PDE11A: variants seen among roughly 807,000 people sequenced by gnomAD.
PDE11A encodes dual 3',5'-cyclic-AMP and -GMP phosphodiesterase 11A.
In PDE11A, 100 loss-of-function variants were observed where a neutral mutation model predicts 100.5. The observed-to-expected ratio is 1.00, with a 90% CI of 0.85 to 1.18. The LOEUF (loss-of-function observed/expected upper bound fraction) is 1.18, where lower values mean the gene tolerates loss of function less well. PDE11A is among the 50% of genes most tolerant of loss of function. PDE11A has a pLI of 0.00. For synonymous variants in PDE11A, 381 were observed against 420.8 expected (o/e 0.91, Z 1.16); for missense variants, 1,141 against 1,152.6 (o/e 0.99, Z 0.15).
chr2:177,728,107 G>A lies in PDE11A; in HGVS notation c.1854C>T (p.Leu618=), dbSNP rs139784666. 7.0e-4 allele frequency: 1,121 copies of A among 1,612,146 alleles called. 10 individuals carry two copies. The African/African-American group carries it at 0.013, about 19-fold the overall frequency. The change falls in exon 11 of 20, where the codon CTC becomes CTT. Residue 618 remains leucine, a synonymous_variant. Coordinates refer to ENST00000286063, the MANE Select transcript of PDE11A (RefSeq NM_016953.4). ...CAGCTGTGATCATGGCATCAACGTC[G>A]AGAGAAAAGTCATCAAAATGAATGT... ...IDDIHFDDFS[L]DVDAMITAAL...
intron 10 of PDE11A, among the ~76,000 whole-genome samples, chr2:177,758,751 C>A (rs930846104): frequency 6.6e-6 from 1 of 152,188 alleles, no homozygotes; most frequent in African/African-American, 2.4e-5. Context: ...CTTGGCCACC[C>A]GCCGGCTGCC....
intron 13 of PDE11A, among the ~76,000 whole-genome samples, chr2:177,704,689 C>T (rs560493401): frequency 7.0e-4 from 106 of 152,200 alleles, no homozygotes; most frequent in African/African-American, 2.5e-3. Flanking sequence ...AAAAAGGGTT[C>T]CGTGGCCAAA....
At chr2:177,869,423 T>C (rs924866259) in intron 5 of PDE11A, among the ~76,000 whole-genome samples, 4 of 152,212 alleles carry the variant, frequency 2.6e-5, no homozygotes, top group Non-Finnish European at 5.9e-5. Context: ...TGGCCCTGTC[T>C]ATATTTAAAC....
At chr2:177,917,589 A>G (rs573757498) in intron 2 of PDE11A, among the ~76,000 whole-genome samples, 1 of 152,354 alleles carries the variant, frequency 6.6e-6, no homozygotes, top group East Asian at 1.9e-4. Flanking sequence ...TTGCGTGAGC[A>G]TTTTCATACC....
chr2:177,775,736 A>G (rs1435750339), intron 9 of PDE11A, among the ~76,000 whole-genome samples: 1 of 152,152 alleles, frequency 6.6e-6, no homozygotes, highest in African/African-American at 2.4e-5. Context: ...CATCTTCTGA[A>G]ACTAAGTTAA....
At chr2:177,700,172 C>T (rs897976634) in intron 14 of PDE11A, among the ~76,000 whole-genome samples, 3 of 152,214 alleles carry the variant, frequency 2.0e-5, no homozygotes, top group Admixed American at 6.5e-5. Context: ...TTTTCCCTTT[C>T]GCAGTCTGCA....
chr2:177,695,492 A>G (rs1396778061), intron 15 of PDE11A, among the ~76,000 whole-genome samples: 1 of 152,180 alleles, frequency 6.6e-6, no homozygotes, highest in African/African-American at 2.4e-5. Context: ...TCTACTTGCT[A>G]AATCTGACAA....
intron 1 of PDE11A, chr2:178,018,268 C>T (rs911740191): frequency 1.2e-5 from 5 of 414,760 alleles, no homozygotes; most frequent in African/African-American, 2.1e-5. Flanking sequence ...GGACTACTCC[C>T]TGGCTACAGC....
rs530939400 is a variant in PDE11A at position 177,938,133 on chromosome 2, G to A, written c.1072-32946C>T. ...TAGGAGTGAAAGGGAAGGTTGGAAGGGAGGAGGGAAGAGTGCTAGCAGCTG... is the reference window on the plus strand; with the variant it reads ...TAGGAGTGAAAGGGAAGGTTGGAAGAGAGGAGGGAAGAGTGCTAGCAGCTG... On this transcript the variant is annotated intron_variant, in intron 2 of 19. Coordinates refer to ENST00000286063, the MANE Select transcript of PDE11A (RefSeq NM_016953.4). 6.6e-5 allele frequency among the ~76,000 whole-genome samples: 10 copies of A among 152,260 alleles called. No homozygotes were observed. The South Asian group carries it at 1.9e-3, about 28-fold the overall frequency.
intron 2 of PDE11A, among the ~76,000 whole-genome samples, chr2:177,984,368 G>A (rs1342344353): frequency 6.6e-6 from 1 of 152,174 alleles, no homozygotes; most frequent in Non-Finnish European, 1.5e-5. Flanking sequence ...CCATATTGCT[G>A]AAGATAGGGG....
chr2:177,842,910 A>G (rs1056917531), intron 5 of PDE11A, among the ~76,000 whole-genome samples: 1 of 152,208 alleles, frequency 6.6e-6, no homozygotes, highest in Non-Finnish European at 1.5e-5. Context: ...ATCAGTCCTC[A>G]GGACTGAAAA....
chr2:178,102,433 T>G (rs1350531331), intron 2 of PDE11A, among the ~76,000 whole-genome samples: 4 of 143,602 alleles, frequency 2.8e-5, no homozygotes, highest in South Asian at 2.3e-4. Flanking sequence ...TCTAAGTTTT[T>G]TTTTTTTTTT....
At chr2:177,737,699 G>A (rs1043001642) in intron 10 of PDE11A, among the ~76,000 whole-genome samples, 2 of 152,130 alleles carry the variant, frequency 1.3e-5, no homozygotes, top group Non-Finnish European at 2.9e-5. Context: ...CCTGAACTAG[G>A]TTGGGAAGCT....
At chr2:178,105,753 C>A in intron 1 of PDE11A, 1 of 1,116,748 alleles carries the variant, frequency 9.0e-7, no homozygotes, top group South Asian at 2.7e-5. Context: ...CCTCACAGCT[C>A]TGAGCCCCTG....
intron 10 of PDE11A, among the ~76,000 whole-genome samples, chr2:177,747,084 G>A (rs1176321056): frequency 6.6e-6 from 1 of 152,180 alleles, no homozygotes; most frequent in Non-Finnish European, 1.5e-5. Context: ...GAGGCCAGAA[G>A]TAGGAGTGTT....
At chr2:177,692,102 C>T (rs1336638885) in intron 15 of PDE11A, among the ~76,000 whole-genome samples, 2 of 152,044 alleles carry the variant, frequency 1.3e-5, no homozygotes, top group South Asian at 2.1e-4. Context: ...TTTAGGTTGA[C>T]ATTAATAATA....
chr2:177,864,202 G>A (rs1574229661), intron 5 of PDE11A, among the ~76,000 whole-genome samples: 1 of 152,040 alleles, frequency 6.6e-6, no homozygotes, highest in East Asian at 1.9e-4. Context: ...AGTAGTCAGT[G>A]GGAAGAAAAT....
chr2:177,862,705 A>G (rs2083963879), intron 5 of PDE11A, among the ~76,000 whole-genome samples: 1 of 151,932 alleles, frequency 6.6e-6, no homozygotes, highest in Admixed American at 6.6e-5. Context: ...AAATGGAAAG[A>G]TATCCTATGC....
intron 19 of PDE11A, among the ~76,000 whole-genome samples, chr2:177,633,187 A>T (rs1463473349): frequency 6.6e-6 from 1 of 152,222 alleles, no homozygotes; most frequent in African/African-American, 2.4e-5. Flanking sequence ...CCCATTCATC[A>T]CAAGGGGGAC....
Sources: allele counts gnomAD v4.1 joint callset (sites outside exome capture counted in the v4.1 genomes callset), GRCh38; gene constraint gnomAD v4.1.1; transcripts MANE v1.5; gene names NCBI Gene and HGNC (gene_info 2026-07-23, HGNC 2026-07-21).